Variants in CACNA1E observed in about 807,000 individuals in gnomAD.
The protein encoded by CACNA1E is voltage-dependent R-type calcium channel subunit alpha-1E.
Under a neutral mutation model 259.2 loss-of-function variants are expected in CACNA1E, and 40 were observed. The ratio of observed to expected loss-of-function variants is 0.15; its 90% CI spans 0.12 to 0.20. The LOEUF (loss-of-function observed/expected upper bound fraction) is 0.20. Among genes scored for constraint, CACNA1E ranks in the 10% least tolerant of loss-of-function variants. The pLI, the probability that CACNA1E is intolerant of heterozygous loss-of-function variation, is 1.00. For synonymous variants in CACNA1E, 1,104 were observed against 1,138.5 expected (o/e 0.97, Z 0.61); for missense variants, 1,874 against 3,040.1 (o/e 0.62, Z 9.02).
intron 37 of CACNA1E, among the ~76,000 whole-genome samples, 158 bp downstream of exon 37, chr1:181,772,389 C>T (rs1232024306): frequency 1.3e-5 from 2 of 152,174 alleles, no homozygotes; most frequent in Non-Finnish European, 2.9e-5. Flanking sequence ...CACTCACGTC[C>T]ACACCCAGGT....
chr1:181,502,132 C>T (rs1489685873), intron 1 of CACNA1E, among the ~76,000 whole-genome samples: 2 of 151,882 alleles, frequency 1.3e-5, no homozygotes, highest in African/African-American at 4.8e-5. Flanking sequence ...TCCAGGTTTG[C>T]AGCCAGAGTT....
chr1:181,621,550 TC>T (rs1655719586), intron 6 of CACNA1E, among the ~76,000 whole-genome samples: 1 of 152,080 alleles, frequency 6.6e-6, no homozygotes, highest in South Asian at 2.1e-4. Context: ...ACAGTAATAA[TC>T]CCAGGTATAT....
intron 7 of CACNA1E, among the ~76,000 whole-genome samples, chr1:181,701,239 C>T (rs772980887): frequency 6.6e-6 from 1 of 152,226 alleles, no homozygotes; most frequent in Non-Finnish European, 1.5e-5. Context: ...TGCACCTCTC[C>T]TCAGACACCT....
intron 2 of CACNA1E, among the ~76,000 whole-genome samples, chr1:181,443,896 A>C (rs1431617552): frequency 8.5e-5 from 13 of 152,200 alleles, no homozygotes; most frequent in African/African-American, 3.1e-4. Context: ...GAATCCTCAA[A>C]ATAATTTAGT....
chr1:181,796,615 C>A, intron 46 of CACNA1E, 53 bp from the exon 47 acceptor site: 2 of 1,338,578 alleles, frequency 1.5e-6, no homozygotes, highest in Non-Finnish European at 2.0e-6. Context: ...CCTTCATCAT[C>A]ATTGGTCAGA....
chr1:181,390,535 C>T (rs971383957), intron 1 of CACNA1E, among the ~76,000 whole-genome samples: 3 of 151,952 alleles, frequency 2.0e-5, no homozygotes, highest in Admixed American at 6.6e-5. Flanking sequence ...GACAGCTGCC[C>T]GTAAGTAGGA....
chr1:181,546,367 C>T lies in CACNA1E; in HGVS notation c.513-31399C>T, dbSNP rs1389656392. 2.0e-5 allele frequency among the ~76,000 whole-genome samples: 3 copies of T among 152,140 alleles called. No homozygotes were observed. In the East Asian group the frequency reaches 5.8e-4, roughly 29 times the overall value. Reference sequence around the variant, plus strand: ...ATGGAGTGATGAGAAGGAATTAGGGCACTTGGAAGATGCTGATTTCTAATC... The same window carrying T: ...ATGGAGTGATGAGAAGGAATTAGGGTACTTGGAAGATGCTGATTTCTAATC... On this transcript the variant is annotated intron_variant, in intron 3 of 47. Coordinates refer to ENST00000367573, the MANE Select transcript of CACNA1E (RefSeq NM_001205293.3).
intron 1 of CACNA1E, among the ~76,000 whole-genome samples, chr1:181,411,815 G>A (rs975194375): frequency 3.3e-5 from 5 of 152,302 alleles, no homozygotes; most frequent in Admixed American, 6.5e-5. Flanking sequence ...TCACCATGTC[G>A]GCCAGGCTGG....
intron 7 of CACNA1E, among the ~76,000 whole-genome samples, chr1:181,682,071 C>A (rs926781407): frequency 6.6e-6 from 1 of 152,132 alleles, no homozygotes; most frequent in Non-Finnish European, 1.5e-5. Context: ...GTGGCCACAT[C>A]CAATGTTGGG....
In CACNA1E at chr1:181,715,374, G is replaced by C. The variant is rs191210738; in HGVS notation, c.1208G>C (p.Gly403Ala). The C allele has an allele frequency of 8.1e-6, 13 of 1,598,820 alleles. No individual in the cohort carries two copies. The Admixed American group carries it at 2.0e-4, about 25-fold the overall frequency. ...VMLAEENKNAGTSALEVLRRA... is the reference protein window; with the variant it reads ...VMLAEENKNAATSALEVLRRA... ...CTCGCTGAAGAAAATAAAAATGCTG[G>C]AACATCCGCCTTAGAAGGTAAGGAA... Residue 403 changes from glycine (G) to alanine (A), a missense_variant, in exon 9 of 48, where the codon GGA (glycine) becomes GCA (alanine). By Grantham distance (60) the Gly-to-Ala change is moderately conservative. Coordinates refer to ENST00000367573, the MANE Select transcript of CACNA1E (RefSeq NM_001205293.3).
intron 1 of CACNA1E, among the ~76,000 whole-genome samples, chr1:181,484,353 C>T (rs1663587847): frequency 6.6e-6 from 1 of 152,142 alleles, no homozygotes; most frequent in Non-Finnish European, 1.5e-5. Context: ...TTGGGTTGCC[C>T]CAATGCTTCC....
intron 2 of CACNA1E, among the ~76,000 whole-genome samples, chr1:181,471,343 A>G (rs904490662): frequency 6.6e-6 from 1 of 152,240 alleles, no homozygotes; most frequent in Non-Finnish European, 1.5e-5. Flanking sequence ...CCAGGCTCCA[A>G]GTGTAGTTCT....
chr1:181,616,840 A>G (rs1025274349), intron 6 of CACNA1E, among the ~76,000 whole-genome samples: 3 of 152,230 alleles, frequency 2.0e-5, no homozygotes, highest in African/African-American at 7.2e-5. Flanking sequence ...CTTATAAGTT[A>G]CAGATTTAAT....
intron 3 of CACNA1E, among the ~76,000 whole-genome samples, chr1:181,536,044 A>AT (rs1480555327): frequency 6.6e-6 from 1 of 151,880 alleles, no homozygotes; most frequent in Non-Finnish European, 1.5e-5. Flanking sequence ...AAGCATTAGC[A>AT]TTTTTTCCTT....
chr1:181,796,990 T>C, intron 47 of CACNA1E, 132 bp downstream of exon 47: 1 of 621,050 alleles, frequency 1.6e-6, no homozygotes, highest in Non-Finnish European at 2.8e-6. Context: ...CAGGAAGCTA[T>C]ACCTATAGTG....
Position 181,359,658 on chromosome 1 carries a change from G to A in CACNA1E, c.-15+41535G>A, listed in dbSNP as rs548046972. Among the ~76,000 whole-genome samples the A allele has an allele frequency of 1.2e-3, 187 of 152,320 alleles. 1 individual carries two copies. Among genetic ancestry groups the A allele is most frequent in the African/African-American group, 4.3e-3 (179 of 41,570 alleles). ...TGGATATCCACCCAGAAGTGTGGGT[G>A]ATAGGGGGTTTTAAAATTCCTCCCG... On this transcript the variant is annotated intron_variant, in intron 1 of 11. Transcript: ENST00000524607.
intron 2 of CACNA1E, among the ~76,000 whole-genome samples, chr1:181,447,202 T>TC (rs1491200217): frequency 4.7e-5 from 7 of 149,928 alleles, no homozygotes; most frequent in Non-Finnish European, 7.4e-5. Flanking sequence ...TTTGGGATTT[T>TC]CCCCCCCTAT....
chr1:181,783,005 G>A (rs1660552955), intron 39 of CACNA1E, among the ~76,000 whole-genome samples: 1 of 152,068 alleles, frequency 6.6e-6, no homozygotes, highest in Non-Finnish European at 1.5e-5. Flanking sequence ...GCTCCTGCCT[G>A]GGCCACCCTT....
At position 181,732,876 on chromosome 1, in the gene CACNA1E, C is replaced by T; in HGVS notation, c.2790C>T (p.Gly930=). 2 of 1,614,008 alleles carry T rather than the reference C, an allele frequency of 1.2e-6. No homozygotes were observed. The highest frequency in any genetic ancestry group is 1.7e-6 in the Non-Finnish European group (2 of 1,179,882). ...GGCATCGCCGCGTCAGGACAGAAGGCAAGGAGTCCTCTTCAGCCTCCCGGA... is the reference window on the plus strand; with the variant it reads ...GGCATCGCCGCGTCAGGACAGAAGGTAAGGAGTCCTCTTCAGCCTCCCGGA... ...RSRHRRVRTE[G]KESSSASRSR... is the part of the protein sequence containing the mutation. The change falls in exon 20 of 48, where the codon GGC becomes GGT. Residue 930 remains glycine (G), a synonymous_variant. Transcript: ENST00000367573. This position sits in a 1 kb window ranked among gnomAD's most constrained non-coding sequence, Gnocchi z 5.5.
Sources: gnomAD v4.1 joint callset for allele counts (sites outside exome capture counted in the v4.1 genomes callset) on GRCh38, gnomAD v4.1.1 for gene constraint, Gnocchi (gnomAD v3.1) non-coding constraint, MANE v1.5 for transcripts, NCBI Gene and HGNC (gene_info 2026-07-23, HGNC 2026-07-21) for gene names.